Variants in OSBPL2 observed in about 807,000 individuals in gnomAD.
The protein encoded by OSBPL2 is oxysterol binding protein like 2.
OSBPL2 carries 18 observed loss-of-function variants against 58.4 expected under a neutral mutation model. The observed-to-expected ratio is 0.31, with a 90% CI of 0.21 to 0.46. The LOEUF (loss-of-function observed/expected upper bound fraction) is 0.46. Ranked by LOEUF, OSBPL2 falls within the 20% of genes least tolerant of loss-of-function variation. The probability of loss-of-function intolerance (pLI) is 1.00; values close to 1 mark genes in which losing one functional copy is unlikely to be tolerated. For missense variants in OSBPL2, 461 were observed against 616.5 expected (o/e 0.75, Z 2.67); for synonymous variants, 221 against 234.1 (o/e 0.94, Z 0.51).
At chr20:62,274,449 T>A (rs1334919464) in intron 6 of OSBPL2, among the ~76,000 whole-genome samples, 1 of 152,172 alleles carries the variant, frequency 6.6e-6, no homozygotes, top group Non-Finnish European at 1.5e-5. Context: ...CATTCTCTTG[T>A]AGATGCATGC....
intron 12 of OSBPL2, 48 bp from the exon 13 acceptor site, chr20:62,291,655 G>A (rs781352989): frequency 6.6e-7 from 1 of 1,513,586 alleles, no homozygotes; most frequent in Admixed American, 1.7e-5. Context: ...GTGGCGGGGT[G>A]CGGTTCTAAG....
intron 1 of OSBPL2, chr20:62,242,201 T>C (rs1979778805): frequency 6.6e-6 from 1 of 152,244 alleles, no homozygotes; most frequent in Admixed American, 6.5e-5. Flanking sequence ...AGGGTCCCAC[T>C]GTGGAAGCGT....
chr20:62,289,386 T>C, intron 12 of OSBPL2, 56 bp downstream of exon 12: 1 of 1,583,988 alleles, frequency 6.3e-7, no homozygotes, highest in Non-Finnish European at 8.6e-7. Flanking sequence ...CTGGCTAGGG[T>C]GGGAGAGCAC....
intron 1 of OSBPL2, among the ~76,000 whole-genome samples, chr20:62,242,058 T>G (rs1017944916): frequency 6.6e-5 from 10 of 152,252 alleles, no homozygotes; most frequent in African/African-American, 2.2e-4. Context: ...GGGTTCTGGT[T>G]TGATAGTTTA....
intron 5 of OSBPL2, among the ~76,000 whole-genome samples, chr20:62,272,908 A>C (rs1982157014): frequency 1.3e-5 from 2 of 152,040 alleles, no homozygotes; most frequent in Admixed American, 1.3e-4. Flanking sequence ...AAAAATAACA[A>C]AATACAAGTG....
intron 12 of OSBPL2, among the ~76,000 whole-genome samples, chr20:62,290,699 C>T (rs573271673): frequency 6.6e-6 from 1 of 150,422 alleles, no homozygotes; most frequent in Non-Finnish European, 1.5e-5. Flanking sequence ...GGATTACAGG[C>T]ATGAACCACT....
chr20:62,244,565 CAT>C (rs1249993736), intron 1 of OSBPL2, among the ~76,000 whole-genome samples: 3 of 152,252 alleles, frequency 2.0e-5, no homozygotes, highest in Non-Finnish European at 2.9e-5. Context: ...GATTAAAACA[CAT>C]GTTTTTGTAC....
intron 9 of OSBPL2, among the ~76,000 whole-genome samples, chr20:62,283,114 C>T (rs546729321): frequency 6.6e-6 from 1 of 152,258 alleles, no homozygotes; most frequent in Non-Finnish European, 1.5e-5. Context: ...CTCGCTGACC[C>T]TCAGTGAGTG....
At chr20:62,267,682 A>T (rs1251453250) in intron 4 of OSBPL2, among the ~76,000 whole-genome samples, 2 of 152,020 alleles carry the variant, frequency 1.3e-5, no homozygotes, top group Non-Finnish European at 2.9e-5. Context: ...TTTCTCCCTC[A>T]CTGACAGTCC....
At chr20:62,246,473 A>T (rs1477858813) in intron 1 of OSBPL2, among the ~76,000 whole-genome samples, 1 of 152,152 alleles carries the variant, frequency 6.6e-6, no homozygotes, top group Non-Finnish European at 1.5e-5. Context: ...AAGAAACGAG[A>T]TTGTGGCCTG....
intron 2 of OSBPL2, 25 bp from the exon 3 acceptor site, chr20:62,259,956 A>G (rs934510233): frequency 1.0e-5 from 16 of 1,604,950 alleles, no homozygotes; most frequent in Admixed American, 1.7e-5. Context: ...TCCAGCGAAA[A>G]TGACCATTTT....
intron 7 of OSBPL2, 122 bp downstream of exon 7, chr20:62,279,461 C>G: frequency 1.0e-6 from 1 of 972,528 alleles, no homozygotes; most frequent in Non-Finnish European, 1.5e-6. Context: ...AGGTGGGGAC[C>G]TCCCCACAGC....
intron 2 of OSBPL2, chr20:62,258,969 T>G (rs532841202): frequency 6.6e-6 from 1 of 152,340 alleles, no homozygotes; most frequent in South Asian, 2.1e-4. Context: ...CCTTTATGGA[T>G]GGACTCTGCT....
At chr20:62,248,720 T>A (rs1818430695) in intron 1 of OSBPL2, among the ~76,000 whole-genome samples, 1 of 149,934 alleles carries the variant, frequency 6.7e-6, no homozygotes. Flanking sequence ...AGACAGGGTC[T>A]TGTTCTGTTG....
At chr20:62,250,287 G>GA (rs1390262681) in intron 1 of OSBPL2, among the ~76,000 whole-genome samples, 2 of 152,214 alleles carry the variant, frequency 1.3e-5, no homozygotes, top group East Asian at 3.9e-4. Context: ...GGTAAGTGTA[G>GA]AAGGAGACAC....
chr20:62,262,500 A>T (rs1341362309), intron 3 of OSBPL2, among the ~76,000 whole-genome samples: 2 of 152,152 alleles, frequency 1.3e-5, no homozygotes, highest in Admixed American at 6.5e-5. Context: ...CCGAATCACA[A>T]AGTATTCACT....
Position 62,286,606 on chromosome 20 carries a change from C to CAGCGACGTGGCT in OSBPL2, c.1021_1032dup (p.Ser341_Ala344dup). 8 of 1,613,536 alleles carry CAGCGACGTGGCT rather than the reference C, an allele frequency of 5.0e-6. No homozygotes were observed. Among genetic ancestry groups the CAGCGACGTGGCT allele is most frequent in the African/African-American group, 1.3e-5 (1 of 75,060 alleles). On this transcript the variant is annotated inframe_insertion, in exon 11 of 14. Coordinates refer to ENST00000313733, the MANE Select transcript of OSBPL2 (RefSeq NM_144498.4). Reference sequence around the variant, plus strand: ...AGGATGAAGACTCCGGGAAGGCTGACAGCGACGTGGCTGACGACGTGCCTG... The same window carrying CAGCGACGTGGCT: ...AGGATGAAGACTCCGGGAAGGCTGACAGCGACGTGGCTAGCGACGTGGCTGACGACGTGCCTG...
chr20:62,289,403 C>G, intron 12 of OSBPL2, 73 bp downstream of exon 12: 2 of 1,534,706 alleles, frequency 1.3e-6, no homozygotes, highest in South Asian at 2.4e-5. Context: ...GCACAAAGCA[C>G]TCGCTGGCAG....
chr20:62,250,950 T>C (rs1006580574), intron 1 of OSBPL2, among the ~76,000 whole-genome samples: 5 of 150,240 alleles, frequency 3.3e-5, no homozygotes, highest in Non-Finnish European at 5.9e-5. Context: ...AATAAATAAA[T>C]AAACAAGCAA....
Sources: allele counts gnomAD v4.1 joint callset (sites outside exome capture counted in the v4.1 genomes callset), GRCh38; gene constraint gnomAD v4.1.1; transcripts MANE v1.5; gene names NCBI Gene and HGNC (gene_info 2026-07-23, HGNC 2026-07-21).